APLF: variants seen among roughly 807,000 people sequenced by gnomAD.
APLF encodes aprataxin and PNK-like factor.
In APLF, 61 loss-of-function variants were observed where a neutral mutation model predicts 55.6. The observed-to-expected ratio is 1.10, with a 90% CI of 0.89 to 1.36. The LOEUF (loss-of-function observed/expected upper bound fraction) is 1.36. Among genes scored for constraint, APLF ranks in the 40% most tolerant of loss-of-function variants. The pLI, the probability that APLF is intolerant of heterozygous loss-of-function variation, is 0.00. For synonymous variants in APLF, 207 were observed against 214.8 expected (o/e 0.96, Z 0.32); for missense variants, 611 against 602.5 (o/e 1.01, Z -0.15).
At chr2:68,513,255 A>G (rs374289275) in intron 4 of APLF, 28 bp downstream of exon 4, 402 of 1,580,840 alleles carry the variant, frequency 2.5e-4, no homozygotes, top group Non-Finnish European at 3.4e-4. Flanking sequence ...TCATCCATTT[A>G]TAACATGTTC....
intron 1 of APLF, among the ~76,000 whole-genome samples, chr2:68,485,327 T>G (rs754732442): frequency 2.0e-4 from 31 of 152,164 alleles, no homozygotes; most frequent in Non-Finnish European, 2.6e-4. Flanking sequence ...GTCCCACAAT[T>G]TTTGTTTTTC....
At chr2:68,558,854 A>G (rs1363151460) in intron 8 of APLF, among the ~76,000 whole-genome samples, 2 of 152,006 alleles carry the variant, frequency 1.3e-5, no homozygotes, top group Non-Finnish European at 2.9e-5. Context: ...CAGTGTGTCC[A>G]TGTATTCTCA....
chr2:68,522,099 T>C (rs1669913767), intron 5 of APLF, among the ~76,000 whole-genome samples: 1 of 151,884 alleles, frequency 6.6e-6, no homozygotes. Context: ...AGCTGAACCC[T>C]ATAAACTTTA....
intron 3 of APLF, among the ~76,000 whole-genome samples, chr2:68,509,137 A>G (rs1361007633): frequency 1.3e-5 from 2 of 152,116 alleles, no homozygotes; most frequent in African/African-American, 4.8e-5. Flanking sequence ...AACCTAGGCA[A>G]TACCATTCAG....
At chr2:68,548,879 C>A (rs1340209531) in intron 8 of APLF, among the ~76,000 whole-genome samples, 4 of 151,954 alleles carry the variant, frequency 2.6e-5, no homozygotes, top group Non-Finnish European at 5.9e-5. Flanking sequence ...TCATCAATCC[C>A]CAAACCACTT....
chr2:68,545,164 C>T lies in APLF; in HGVS notation c.1161-23C>T, dbSNP rs776919701. On this transcript the variant is annotated intron_variant, in intron 7 of 9. Transcript: ENST00000303795. Reference sequence around the variant, plus strand: ...AGAATATCCTATTTTTTTTTTCTGACAGTATATTTGTCGCCCTCCTAGGAA... The same window carrying T: ...AGAATATCCTATTTTTTTTTTCTGATAGTATATTTGTCGCCCTCCTAGGAA... 10 of 1,595,922 alleles carry T rather than the reference C, an allele frequency of 6.3e-6. No individual in the cohort carries two copies. The Admixed American group carries it at 1.4e-4, about 23-fold the overall frequency.
At chr2:68,518,353 T>C (rs1315787862) in intron 5 of APLF, among the ~76,000 whole-genome samples, 1 of 112,670 alleles carries the variant, frequency 8.9e-6, no homozygotes, top group African/African-American at 3.8e-5. Context: ...TATATATTAA[T>C]ATAGCAATAT....
intron 8 of APLF, among the ~76,000 whole-genome samples, chr2:68,565,782 G>C (rs570842124): frequency 6.6e-6 from 1 of 152,028 alleles, no homozygotes; most frequent in Non-Finnish European, 1.5e-5. Context: ...TGGTGAAAAA[G>C]CAGTTGGATA....
chr2:68,528,559 C>T lies in APLF; in HGVS notation c.804+2317C>T, dbSNP rs1316343038. ...TACTTGATCCAAGAGCTGCAGGATC[C>T]TTGGGCTGCATGTCCTCCCCCACCG... On this transcript the variant is annotated intron_variant, in intron 6 of 9. Transcript: ENST00000303795. 6.5e-6 allele frequency: 10 copies of T among 1,533,898 alleles called. 1 individual carries two copies. The highest frequency in any genetic ancestry group is 4.1e-5 in the African/African-American group (3 of 72,968).
chr2:68,499,079 G>T (rs918356380), intron 2 of APLF, among the ~76,000 whole-genome samples: 1 of 151,926 alleles, frequency 6.6e-6, no homozygotes, highest in Non-Finnish European at 1.5e-5. Context: ...CTTTTTGGGG[G>T]TATACATCTA....
chr2:68,477,372 G>T (rs920513901), intron 1 of APLF, among the ~76,000 whole-genome samples: 1 of 152,146 alleles, frequency 6.6e-6, no homozygotes. Context: ...GGTGGCTCAT[G>T]CCTGTAATCC....
intron 1 of APLF, among the ~76,000 whole-genome samples, chr2:68,477,763 C>A (rs947005930): frequency 1.3e-5 from 2 of 152,052 alleles, no homozygotes; most frequent in Non-Finnish European, 2.9e-5. Flanking sequence ...TGGTGGAAGG[C>A]GAATGAGGCG....
intron 8 of APLF, 121 bp downstream of exon 8, chr2:68,545,433 G>T: frequency 8.0e-7 from 1 of 1,254,908 alleles, no homozygotes; most frequent in Non-Finnish European, 1.1e-6. Context: ...AACTTCTGTA[G>T]ATTACAGGTT....
intron 8 of APLF, among the ~76,000 whole-genome samples, chr2:68,551,467 C>T (rs562983118): frequency 6.6e-6 from 1 of 152,114 alleles, no homozygotes; most frequent in East Asian, 1.9e-4. Flanking sequence ...TTCTTGTACT[C>T]CAACTAAACA....
rs1671704908 is a variant in APLF, at chr2:68,579,275, A to G, written c.*1253A>G. On this transcript the variant is annotated 3_prime_UTR_variant, in exon 10 of 10. Coordinates refer to ENST00000303795, the MANE Select transcript of APLF (RefSeq NM_173545.3). ...TAAGATAAACATTTCTCTAGACTAT[A>G]ACCTATTATTCTGATTTTTATCTCT... 2.4e-6 allele frequency: 2 copies of G among 847,572 alleles called. No individual in the cohort carries two copies. The highest frequency in any genetic ancestry group is 1.4e-6 in the Non-Finnish European group (1 of 704,732). 52.5% of individuals were successfully genotyped at this position (847,572 alleles called of 1,614,324 possible).
chr2:68,476,476 C>CAAAAA (rs768968249), intron 1 of APLF, among the ~76,000 whole-genome samples: 1 of 76,490 alleles, frequency 1.3e-5, no homozygotes, highest in African/African-American at 4.2e-5. Flanking sequence ...GAGTGAGACT[C>CAAAAA]AAAAAAAAAA....
intron 5 of APLF, among the ~76,000 whole-genome samples, chr2:68,519,489 A>T (rs1317667477): frequency 6.7e-6 from 1 of 149,766 alleles, no homozygotes; most frequent in Non-Finnish European, 1.5e-5. Context: ...TGCAGGGACC[A>T]GTTCACATTG....
intron 3 of APLF, among the ~76,000 whole-genome samples, chr2:68,509,466 A>G (rs1199678342): frequency 6.6e-6 from 1 of 152,186 alleles, no homozygotes; most frequent in African/African-American, 2.4e-5. Flanking sequence ...CACATGAAAA[A>G]ATGCTCATCA....
intron 6 of APLF, among the ~76,000 whole-genome samples, chr2:68,530,579 C>A (rs1243350939): frequency 6.6e-6 from 1 of 152,106 alleles, no homozygotes; most frequent in Non-Finnish European, 1.5e-5. Context: ...CTCTGGTCTT[C>A]CTGGAATGTG....
Sources: gnomAD v4.1 joint callset for allele counts (sites outside exome capture counted in the v4.1 genomes callset) on GRCh38, gnomAD v4.1.1 for gene constraint, MANE v1.5 for transcripts, NCBI Gene and HGNC (gene_info 2026-07-23, HGNC 2026-07-21) for gene names.